Variants in MSH3 observed in about 807,000 individuals in gnomAD.
The protein encoded by MSH3 is mutS homolog 3, also known as DNA mismatch repair protein Msh3.
In MSH3, 106 loss-of-function variants were observed where a neutral mutation model predicts 123.3. That is an observed-to-expected ratio of 0.86 (90% CI 0.73 to 1.01). The LOEUF is 1.01. MSH3 is among the 50% of genes least tolerant of loss of function. The pLI is 0.00. For synonymous variants in MSH3, 515 were observed against 481.4 expected (o/e 1.07, Z -0.91); for missense variants, 1,459 against 1,347.6 (o/e 1.08, Z -1.29).
At chr5:80,776,268 G>A (rs1744297227) in intron 16 of MSH3, among the ~76,000 whole-genome samples, 1 of 152,088 alleles carries the variant, frequency 6.6e-6, no homozygotes, top group Admixed American at 6.5e-5. Flanking sequence ...TTTCAAAAAG[G>A]TATCTTATTT....
chr5:80,817,020 G>T (rs1397601903), intron 20 of MSH3, among the ~76,000 whole-genome samples: 1 of 152,184 alleles, frequency 6.6e-6, no homozygotes, highest in East Asian at 1.9e-4. Flanking sequence ...ACATTTTTGT[G>T]TACGTGATTG....
intron 21 of MSH3, among the ~76,000 whole-genome samples, chr5:80,857,143 T>C (rs1745933461): frequency 6.6e-6 from 1 of 152,224 alleles, no homozygotes; most frequent in Admixed American, 6.5e-5. Flanking sequence ...TCTGTGCATC[T>C]ATTGATATGG....
At chr5:80,772,098 A>G (rs112301818) in intron 15 of MSH3, among the ~76,000 whole-genome samples, 1,762 of 152,204 alleles carry the variant, frequency 0.012, 34 homozygotes, top group African/African-American at 0.04. Context: ...TTATCTCTTA[A>G]CCTTGAATGA....
intron 13 of MSH3, among the ~76,000 whole-genome samples, chr5:80,764,180 T>A (rs1744086222): frequency 6.6e-6 from 1 of 152,276 alleles, no homozygotes; most frequent in Non-Finnish European, 1.5e-5. Flanking sequence ...TAGTGGGTGA[T>A]GTCCTGGGTA....
At chr5:80,795,302 C>T (rs1167132255) in intron 19 of MSH3, among the ~76,000 whole-genome samples, 1 of 152,108 alleles carries the variant, frequency 6.6e-6, no homozygotes, top group Non-Finnish European at 1.5e-5. Context: ...TAATGCATGT[C>T]TTAGTCTGTT....
chr5:80,654,848 AC>A lies in MSH3; in HGVS notation c.122del (p.Thr41LysfsTer39). On this transcript the variant is annotated frameshift_variant, in exon 1 of 24. Transcript: ENST00000265081. LOFTEE classifies it high-confidence loss of function. The part of the protein sequence containing the change: ...TGSLKSTSSS[T>X]GAADQVDPGA... ...AAGCCTGAAATCCACCTCCTCCTCC[AC>A]AGGTGCAGCCGACCAGGTGGACCCT... 1 of 1,592,690 alleles carries A rather than the reference AC, an allele frequency of 6.3e-7. No individual in the cohort carries two copies. Among genetic ancestry groups the A allele is most frequent in the Non-Finnish European group, 8.5e-7 (1 of 1,170,386 alleles).
chr5:80,658,536 A>G (rs1329234471), intron 2 of MSH3, among the ~76,000 whole-genome samples: 1 of 152,220 alleles, frequency 6.6e-6, no homozygotes, highest in African/African-American at 2.4e-5. Context: ...TAAAAATGGC[A>G]CTAAGGAAGA....
intron 8 of MSH3, among the ~76,000 whole-genome samples, chr5:80,679,480 A>G (rs564488256): frequency 6.6e-6 from 1 of 152,308 alleles, no homozygotes; most frequent in East Asian, 1.9e-4. Flanking sequence ...TTTGATAATT[A>G]TGGGGTTTAT....
intron 21 of MSH3, among the ~76,000 whole-genome samples, chr5:80,859,242 T>C (rs996360219): frequency 1.3e-5 from 2 of 152,088 alleles, no homozygotes; most frequent in Non-Finnish European, 2.9e-5. Context: ...TGCCTCAGCC[T>C]CCCGAGTAGC....
chr5:80,696,324 C>G (rs1013771099), intron 8 of MSH3, among the ~76,000 whole-genome samples: 2 of 152,198 alleles, frequency 1.3e-5, no homozygotes, highest in Non-Finnish European at 2.9e-5. Flanking sequence ...TGCCTTCTTT[C>G]ACCAGTGAGA....
intron 8 of MSH3, among the ~76,000 whole-genome samples, chr5:80,700,570 T>C (rs374539925): frequency 3.9e-5 from 6 of 152,220 alleles, no homozygotes; most frequent in Admixed American, 3.3e-4. Context: ...AGTAGGTTTT[T>C]TTTTTAGTCC....
At position 80,742,253 on chromosome 5, in the gene MSH3, A is replaced by G. The variant is rs564954530; in HGVS notation, c.1653+705A>G. Among the ~76,000 whole-genome samples the G allele has an allele frequency of 1.6e-3, 250 of 152,234 alleles. 2 individuals carry two copies. The highest frequency in any genetic ancestry group is 5.4e-3 in the African/African-American group (226 of 41,542). ...TCGAACTGTTGACCTCAGGTGATCC[A>G]CCTGCCTCGGCCTCCCAAAATCCTA... On this transcript the variant is annotated intron_variant, in intron 11 of 23. Coordinates refer to ENST00000265081, the MANE Select transcript of MSH3 (RefSeq NM_002439.5).
At chr5:80,742,952 A>G (rs1434444748) in intron 11 of MSH3, among the ~76,000 whole-genome samples, 1 of 152,196 alleles carries the variant, frequency 6.6e-6, no homozygotes, top group Non-Finnish European at 1.5e-5. Flanking sequence ...ATCTGGAATC[A>G]AAATACCCTT....
chr5:80,840,764 G>A, intron 20 of MSH3, among the ~76,000 whole-genome samples: 1 of 151,464 alleles, frequency 6.6e-6, no homozygotes. Context: ...CCCCTAACAG[G>A]CCCCGGTGTG....
chr5:80,836,371 G>A (rs1031021172), intron 20 of MSH3, among the ~76,000 whole-genome samples: 1 of 152,114 alleles, frequency 6.6e-6, no homozygotes, highest in African/African-American at 2.4e-5. Flanking sequence ...AGATAAATCA[G>A]TGAGGTCAGT....
chr5:80,671,423 C>G (rs529624734), intron 4 of MSH3, among the ~76,000 whole-genome samples: 31 of 152,252 alleles, frequency 2.0e-4, no homozygotes, highest in Non-Finnish European at 3.5e-4. Flanking sequence ...GCAGCGTTCT[C>G]AAAGTCAGAT....
chr5:80,815,910 C>T (rs901372858), intron 20 of MSH3, among the ~76,000 whole-genome samples: 10 of 152,160 alleles, frequency 6.6e-5, no homozygotes, highest in Non-Finnish European at 1.0e-4. Context: ...ATAATAGTAA[C>T]AGCCAACCTT....
At chr5:80,712,559 T>C (rs571193897) in intron 8 of MSH3, among the ~76,000 whole-genome samples, 1 of 152,302 alleles carries the variant, frequency 6.6e-6, no homozygotes, top group South Asian at 2.1e-4. Context: ...ATTACTTTGT[T>C]TTGGATTGCA....
chr5:80,700,048 G>A (rs1750573102), intron 8 of MSH3, among the ~76,000 whole-genome samples: 1 of 152,050 alleles, frequency 6.6e-6, no homozygotes, highest in African/African-American at 2.4e-5. Flanking sequence ...TTATTAGACG[G>A]TAGTTTCACT....
Sources: gnomAD v4.1 joint callset for allele counts (sites outside exome capture counted in the v4.1 genomes callset) on GRCh38, gnomAD v4.1.1 for gene constraint, MANE v1.5 for transcripts, NCBI Gene and HGNC (gene_info 2026-07-23, HGNC 2026-07-21) for gene names.